UNC13B: variants seen among roughly 807,000 people sequenced by gnomAD.
The protein encoded by UNC13B is unc-13 homolog B.
UNC13B carries 144 observed loss-of-function variants against 211.0 expected under a neutral mutation model. That is an observed-to-expected ratio of 0.68 (90% CI 0.60 to 0.78). The LOEUF is 0.78. UNC13B is among the 30% of genes least tolerant of loss of function. UNC13B has a pLI of 0.00. For synonymous variants in UNC13B, 709 were observed against 725.8 expected, an observed-to-expected ratio of 0.98 and a Z score of 0.37; for missense variants, 1,777 against 2,002.0, an observed-to-expected ratio of 0.89 and a Z score of 2.14.
At chr9:35,246,910 G>A (rs1309281509) in intron 6 of UNC13B, among the ~76,000 whole-genome samples, 5 of 151,958 alleles carry the variant, frequency 3.3e-5, no homozygotes, top group African/African-American at 1.2e-4. Context: ...AGCTTGATGG[G>A]GGGATGGCAT....
At chr9:35,210,170 A>G (rs2131413372) in intron 1 of UNC13B, among the ~76,000 whole-genome samples, 1 of 152,266 alleles carries the variant, frequency 6.6e-6, no homozygotes. Flanking sequence ...AATTGACCTT[A>G]TTCCATATTT....
At chr9:35,215,923 C>G (rs1824223294) in intron 1 of UNC13B, among the ~76,000 whole-genome samples, 1 of 152,034 alleles carries the variant, frequency 6.6e-6, no homozygotes, top group East Asian at 1.9e-4. Context: ...TATCACCAGA[C>G]AATAACATTT....
intron 24 of UNC13B, among the ~76,000 whole-genome samples, chr9:35,388,400 TC>T (rs1428740482): frequency 6.6e-6 from 1 of 151,930 alleles, no homozygotes; most frequent in Non-Finnish European, 1.5e-5. Context: ...AGAGTGAGAC[TC>T]CGTCTCAAAA....
chr9:35,238,682 A>T (rs1825646663), intron 5 of UNC13B, among the ~76,000 whole-genome samples: 1 of 151,434 alleles, frequency 6.6e-6, no homozygotes, highest in African/African-American at 2.4e-5. Context: ...CAGCCTCCTG[A>T]GTCACTGAGA....
At chr9:35,353,772 A>G (rs1471038371) in intron 11 of UNC13B, 34 of 1,231,978 alleles carry the variant, frequency 2.8e-5, no homozygotes, top group Non-Finnish European at 3.3e-5. Context: ...GAGCTAGTAC[A>G]GAAGGCAAAC....
chr9:35,209,570 G>T (rs898623370), intron 1 of UNC13B, among the ~76,000 whole-genome samples: 1 of 151,896 alleles, frequency 6.6e-6, no homozygotes, highest in African/African-American at 2.4e-5. Context: ...TAGAGATGGG[G>T]TTTCAACATG....
chr9:35,291,238 A>T lies in UNC13B; in HGVS notation c.527-4458A>T. On this transcript the variant is annotated intron_variant, in intron 7 of 39. Transcript: ENST00000635942. ...TCCTCTCCTACTTAAATATCGGGAG[A>T]CAATGACCTGTGGTGGAATGTTATA... is the stretch of plus-strand genomic sequence containing the variant. The T allele has an allele frequency of 2.3e-6, 2 of 872,584 alleles. 1 individual carries two copies. The highest frequency in any genetic ancestry group is 3.5e-5 in the South Asian group (2 of 57,478). The allele number at this position is 872,584 out of a possible 1,614,324, so 54.1% of individuals were successfully genotyped here. A position where few individuals can be genotyped will look rare whatever the true frequency, so the allele number is the denominator to read the frequency against.
At chr9:35,211,060 T>G (rs1185243686) in intron 1 of UNC13B, among the ~76,000 whole-genome samples, 2 of 152,192 alleles carry the variant, frequency 1.3e-5, no homozygotes, top group African/African-American at 4.8e-5. Context: ...TTTTTGGCAG[T>G]TTTGTGTGGC....
chr9:35,178,453 G>T (rs190936078), intron 1 of UNC13B, among the ~76,000 whole-genome samples: 1 of 150,032 alleles, frequency 6.7e-6, no homozygotes, highest in Non-Finnish European at 1.5e-5. Context: ...GCTGAGATCC[G>T]CCACTGCACT....
chr9:35,403,575 C>A lies in UNC13B; in HGVS notation c.12713C>A (p.Pro4238His). 1 of 1,609,840 alleles carries A rather than the reference C, an allele frequency of 6.2e-7. No individual in the cohort carries two copies. Among genetic ancestry groups the A allele is most frequent in the Non-Finnish European group, 8.5e-7 (1 of 1,179,632 alleles). ...TTKSKSNNWAPKYNETFHFLL... is the reference protein window; with the variant it reads ...TTKSKSNNWAHKYNETFHFLL... ...AAATCCAAAAGCAACAACTGGGCCCCCAAGTACAATGAGACATTCCACTTG... is the reference window on the plus strand; with the variant it reads ...AAATCCAAAAGCAACAACTGGGCCCACAAGTACAATGAGACATTCCACTTG... The change falls in exon 39 of 40, where the codon CCC (proline) becomes CAC (histidine). Residue 4238 changes from proline (P) to histidine (H), a missense_variant. Physicochemically the swap from Pro to His is moderately conservative, Grantham distance 77. Transcript: ENST00000635942.
At chr9:35,219,433 C>T (rs1459238228) in intron 1 of UNC13B, among the ~76,000 whole-genome samples, 2 of 151,824 alleles carry the variant, frequency 1.3e-5, no homozygotes, top group East Asian at 1.9e-4. Context: ...AACTGTTTTC[C>T]AACAGTGGGT....
chr9:35,394,079 C>T (rs1402112361), intron 26 of UNC13B, among the ~76,000 whole-genome samples: 1 of 151,996 alleles, frequency 6.6e-6, no homozygotes, highest in African/African-American at 2.4e-5. Context: ...AATAGCGTGG[C>T]TAGAAGGAAT....
At chr9:35,235,783 G>T (rs1035059132) in intron 3 of UNC13B, among the ~76,000 whole-genome samples, 1 of 152,148 alleles carries the variant, frequency 6.6e-6, no homozygotes. Context: ...TCCTGTATAC[G>T]ATGTGTAGTT....
intron 26 of UNC13B, among the ~76,000 whole-genome samples, chr9:35,393,013 T>G (rs1835636836): frequency 6.6e-6 from 1 of 152,134 alleles, no homozygotes; most frequent in Non-Finnish European, 1.5e-5. Flanking sequence ...AAGTTCCTTC[T>G]TGCCACTTTG....
At chr9:35,271,702 T>C (rs937838880) in intron 7 of UNC13B, among the ~76,000 whole-genome samples, 25 of 152,208 alleles carry the variant, frequency 1.6e-4, no homozygotes, top group Admixed American at 1.6e-3. Flanking sequence ...TACTACTAAA[T>C]TCAACAACTT....
In UNC13B at chr9:35,331,688, C is replaced by T. The variant is rs184558756; in HGVS notation, c.9414+17699C>T. Among the ~76,000 whole-genome samples, 308 of 152,238 alleles carry T rather than the reference C, an allele frequency of 2.0e-3. 2 individuals are homozygous for T. The highest frequency in any genetic ancestry group is 6.4e-3 in the African/African-American group (265 of 41,556). The stretch of plus-strand genomic sequence containing the variant: ...TAATTAACAGTTAAGTATTTAAATA[C>T]TTTTTTCTCTCAGTCACTTTTTCCT... On this transcript the variant is annotated intron_variant, in intron 11 of 39. Transcript: ENST00000635942.
intron 1 of UNC13B, among the ~76,000 whole-genome samples, chr9:35,199,005 C>T (rs1038147087): frequency 6.6e-6 from 1 of 152,156 alleles, no homozygotes; most frequent in Admixed American, 6.5e-5. Flanking sequence ...TGCTATCCCT[C>T]CCCGCTCCCC....
chr9:35,313,625 A>AAAATAAAT (rs149145175), intron 10 of UNC13B, among the ~76,000 whole-genome samples: 20,883 of 133,816 alleles, frequency 0.16, 1,984 homozygotes, highest in Non-Finnish European at 0.21. Flanking sequence ...ACCCTGTCTC[A>AAAATAAAT]AAATAAATAA....
chr9:35,165,578 T>G (rs1820993545), intron 1 of UNC13B, among the ~76,000 whole-genome samples: 1 of 151,704 alleles, frequency 6.6e-6, no homozygotes, highest in Non-Finnish European at 1.5e-5. Flanking sequence ...CCACCATGCC[T>G]GGCTAATTTT....
Sources: gnomAD v4.1 joint callset for allele counts (sites outside exome capture counted in the v4.1 genomes callset) on GRCh38, gnomAD v4.1.1 for gene constraint, MANE v1.5 for transcripts, NCBI Gene and HGNC (gene_info 2026-07-23, HGNC 2026-07-21) for gene names.